The following THSD4 variants were observed in gnomAD, a reference collection of about 807,000 sequenced individuals.
THSD4 encodes the protein thrombospondin type-1 domain-containing protein 4.
A neutral mutation model predicts 119.0 loss-of-function variants in THSD4; 69 were observed. The ratio of observed to expected loss-of-function variants is 0.58; its 90% CI spans 0.48 to 0.71. THSD4 has a LOEUF of 0.71. Ranked by LOEUF, THSD4 falls within the 30% of genes least tolerant of loss-of-function variation. The pLI is 0.00. For missense variants in THSD4, 1,393 were observed against 1,391.1 expected, an observed-to-expected ratio of 1.00 and a Z score of -0.02; for synonymous variants, 524 against 540.4, an observed-to-expected ratio of 0.97 and a Z score of 0.42.
intron 3 of THSD4, among the ~76,000 whole-genome samples, chr15:71,190,701 G>A (rs1417874692): frequency 6.6e-6 from 1 of 152,172 alleles, no homozygotes; most frequent in Non-Finnish European, 1.5e-5. Context: ...GCTGAAATGG[G>A]TGGTAGCCAC....
At chr15:71,461,663 G>A (rs1382941038) in intron 7 of THSD4, among the ~76,000 whole-genome samples, 3 of 151,944 alleles carry the variant, frequency 2.0e-5, no homozygotes, top group African/African-American at 4.8e-5. Context: ...CTTTCCAAAC[G>A]TACTTAATAT....
chr15:71,148,902 C>T (rs2040691705), intron 2 of THSD4, among the ~76,000 whole-genome samples: 1 of 152,122 alleles, frequency 6.6e-6, no homozygotes, highest in Admixed American at 6.5e-5. Context: ...AATTCCTCAC[C>T]TGCAAAATGG....
intron 6 of THSD4, among the ~76,000 whole-genome samples, chr15:71,409,640 A>G (rs2046656119): frequency 6.6e-6 from 1 of 152,188 alleles, no homozygotes; most frequent in African/African-American, 2.4e-5. Flanking sequence ...GAGTATCTAG[A>G]CGATGCAGTC....
chr15:71,515,031 C>T (rs572084316), intron 7 of THSD4, among the ~76,000 whole-genome samples: 169 of 152,272 alleles, frequency 1.1e-3, no homozygotes, highest in African/African-American at 4.0e-3. Context: ...AGTATTTCCT[C>T]AAGGAAAACT....
intron 6 of THSD4, among the ~76,000 whole-genome samples, chr15:71,301,828 C>T (rs1221957218): frequency 3.3e-5 from 5 of 152,206 alleles, no homozygotes; most frequent in South Asian, 4.1e-4. Flanking sequence ...ATCCTCTCTT[C>T]TGGCCAGTGG....
At chr15:71,333,537 A>T (rs1268958452) in intron 6 of THSD4, among the ~76,000 whole-genome samples, 1 of 152,112 alleles carries the variant, frequency 6.6e-6, no homozygotes, top group Non-Finnish European at 1.5e-5. Context: ...TCATTCTGGC[A>T]TCTATAATTT....
chr15:71,709,094 G>A lies in THSD4; in HGVS notation c.1358-19455G>A, dbSNP rs147983008. Among the ~76,000 whole-genome samples, 10 of 152,328 alleles carry A rather than the reference G, an allele frequency of 6.6e-5. No homozygotes were observed. The East Asian group carries it at 1.7e-3, about 26-fold the overall frequency. On this transcript the variant is annotated intron_variant, in intron 8 of 17. Coordinates refer to ENST00000261862, the MANE Select transcript of THSD4 (RefSeq NM_024817.3). ...TACTCTGCTACATACTAACCATGTGGTTTGGGGGCACGCCTATTCTTTGCT... is the reference window on the plus strand; with the variant it reads ...TACTCTGCTACATACTAACCATGTGATTTGGGGGCACGCCTATTCTTTGCT...
At chr15:71,244,236 A>G (rs1385212481) in intron 5 of THSD4, among the ~76,000 whole-genome samples, 1 of 152,218 alleles carries the variant, frequency 6.6e-6, no homozygotes, top group Non-Finnish European at 1.5e-5. Flanking sequence ...TGTTAATTGT[A>G]TATGGTGACC....
At chr15:71,233,170 G>C (rs2044075114) in intron 4 of THSD4, among the ~76,000 whole-genome samples, 1 of 152,166 alleles carries the variant, frequency 6.6e-6, no homozygotes, top group South Asian at 2.1e-4. Context: ...GGAATATTTT[G>C]TCCTTGAGCT....
At chr15:71,694,141 G>A (rs920628179) in intron 8 of THSD4, among the ~76,000 whole-genome samples, 1 of 152,188 alleles carries the variant, frequency 6.6e-6, no homozygotes, top group Non-Finnish European at 1.5e-5. Flanking sequence ...GTGAGAAATG[G>A]TCTTGGTCAG....
intron 2 of THSD4, among the ~76,000 whole-genome samples, chr15:71,144,437 CAT>C (rs1462479350): frequency 6.6e-6 from 1 of 152,162 alleles, no homozygotes; most frequent in African/African-American, 2.4e-5. Flanking sequence ...GACGCACACA[CAT>C]GTGAAGGGAT....
chr15:71,390,849 CTTTTTTTTTTTT>C (rs1010882999), intron 6 of THSD4, among the ~76,000 whole-genome samples: 8 of 90,882 alleles, frequency 8.8e-5, no homozygotes, highest in Non-Finnish European at 1.3e-4. Flanking sequence ...TTGGCTAAAT[CTTTTTTTTTTTT>C]TTTTTTTTTT....
intron 3 of THSD4, 65 bp from the exon 4 acceptor site, chr15:71,214,970 T>C: frequency 2.5e-6 from 3 of 1,222,468 alleles, no homozygotes; most frequent in Non-Finnish European, 3.1e-6. Flanking sequence ...TCGACCCTGC[T>C]CAAAGCTTTT....
chr15:71,550,280 G>A (rs1403862202), intron 7 of THSD4, among the ~76,000 whole-genome samples: 1 of 152,164 alleles, frequency 6.6e-6, no homozygotes, highest in African/African-American at 2.4e-5. Flanking sequence ...TGGGAGGCTT[G>A]CATTTTCTTT....
intron 1 of THSD4, among the ~76,000 whole-genome samples, chr15:71,099,611 T>C (rs972099880): frequency 6.6e-6 from 1 of 152,178 alleles, no homozygotes; most frequent in Admixed American, 6.5e-5. Context: ...AGTGATTATA[T>C]GGTTTAGCTT....
chr15:71,265,479 G>C (rs1255000465), intron 6 of THSD4, among the ~76,000 whole-genome samples: 1 of 152,096 alleles, frequency 6.6e-6, no homozygotes, highest in Non-Finnish European at 1.5e-5. Context: ...GATTCCCTCG[G>C]GTGCCTACAC....
intron 8 of THSD4, among the ~76,000 whole-genome samples, chr15:71,685,894 G>A (rs2051898504): frequency 6.6e-6 from 1 of 152,128 alleles, no homozygotes; most frequent in African/African-American, 2.4e-5. Context: ...AAGATCCCCT[G>A]AGAGGATCTT....
intron 1 of THSD4, among the ~76,000 whole-genome samples, chr15:71,106,390 C>T (rs1244913810): frequency 6.6e-6 from 1 of 152,076 alleles, no homozygotes; most frequent in Non-Finnish European, 1.5e-5. Context: ...ACAGATTGGC[C>T]TTTATCTCAA....
chr15:71,605,251 T>G (rs2050087041), intron 7 of THSD4, among the ~76,000 whole-genome samples: 1 of 152,210 alleles, frequency 6.6e-6, no homozygotes, highest in South Asian at 2.1e-4. Context: ...GTATATATTT[T>G]GTTTGCCTGG....
Sources: gnomAD v4.1 joint callset for allele counts (sites outside exome capture counted in the v4.1 genomes callset) on GRCh38, gnomAD v4.1.1 for gene constraint, MANE v1.5 for transcripts, NCBI Gene and HGNC (gene_info 2026-07-23, HGNC 2026-07-21) for gene names.